Variants in ACADL observed in about 807,000 individuals in gnomAD.
ACADL encodes the protein long-chain specific acyl-CoA dehydrogenase, mitochondrial.
A neutral mutation model predicts 56.9 loss-of-function variants in ACADL; 60 were observed. The ratio of observed to expected loss-of-function variants is 1.05; its 90% CI spans 0.86 to 1.31. ACADL has a LOEUF of 1.31. Ranked by LOEUF, ACADL falls within the 50% of genes most tolerant of loss-of-function variation. The probability of loss-of-function intolerance (pLI) is 0.00; values close to 1 mark genes in which losing one functional copy is unlikely to be tolerated. For missense variants in ACADL, 484 were observed against 525.5 expected, an observed-to-expected ratio of 0.92 and a Z score of 0.77; for synonymous variants, 158 against 179.7, an observed-to-expected ratio of 0.88 and a Z score of 0.97.
At chr2:210,194,505 A>G (rs1459755673) in intron 9 of ACADL, among the ~76,000 whole-genome samples, 2 of 152,334 alleles carry the variant, frequency 1.3e-5, no homozygotes, top group Admixed American at 6.5e-5. Flanking sequence ...AAAATATACA[A>G]AAGTCTGACA....
intron 8 of ACADL, among the ~76,000 whole-genome samples, chr2:210,199,213 C>T (rs77775437): frequency 0.017 from 2,595 of 152,080 alleles, 80 homozygotes; most frequent in African/African-American, 0.06. Context: ...ATACTCCTAG[C>T]TTGAAATATG....
intron 2 of ACADL, 81 bp from the exon 3 acceptor site, chr2:210,218,183 T>C: frequency 7.3e-7 from 1 of 1,364,032 alleles, no homozygotes; most frequent in East Asian, 2.5e-5. Context: ...ATGAATGATT[T>C]TGTGTAGAAA....
At chr2:210,195,540 T>C (rs1688696426) in intron 8 of ACADL, among the ~76,000 whole-genome samples, 1 of 152,166 alleles carries the variant, frequency 6.6e-6, no homozygotes, top group South Asian at 2.1e-4. Context: ...GCTAAGGAAA[T>C]TTGTACTAAA....
At chr2:210,212,288 G>C (rs1425954953) in intron 4 of ACADL, among the ~76,000 whole-genome samples, 1 of 152,140 alleles carries the variant, frequency 6.6e-6, no homozygotes, top group Non-Finnish European at 1.5e-5. Context: ...AGACTATCAT[G>C]AATTATCTGG....
intron 1 of ACADL, 101 bp downstream of exon 1, chr2:210,225,084 CCG>C: frequency 6.6e-7 from 1 of 1,513,546 alleles, no homozygotes; most frequent in South Asian, 1.2e-5. Flanking sequence ...GCACTCCCAG[CCG>C]CGCGCGCACC....
chr2:210,222,922 T>C (rs1475869316), intron 1 of ACADL, among the ~76,000 whole-genome samples: 1 of 152,204 alleles, frequency 6.6e-6, no homozygotes, highest in African/African-American at 2.4e-5. Flanking sequence ...TTTGTCCATA[T>C]AGATTTTCCA....
chr2:210,212,262 G>T (rs1183650793), intron 4 of ACADL, among the ~76,000 whole-genome samples: 1 of 152,076 alleles, frequency 6.6e-6, no homozygotes, highest in African/African-American at 2.4e-5. Flanking sequence ...ATTAATTTAA[G>T]GATGTTGTGA....
At position 210,224,703 on chromosome 2, in the gene ACADL, G is replaced by A. The variant is rs962916567; in HGVS notation, c.77+484C>T. The A allele has an allele frequency of 9.1e-6, 9 of 986,712 alleles. No homozygotes were observed. In the African/African-American group the frequency reaches 1.4e-4, roughly 15 times the overall value. 61.1% of individuals were successfully genotyped at this position (986,712 alleles called of 1,614,324 possible). A position where few individuals can be genotyped will look rare whatever the true frequency, so the allele number is the denominator to read the frequency against. ...ACAATTCTGGTCCGCGCCGCAGCCC[G>A]GGCACTGAGTCCGGGTCCCAAGTTC... On this transcript the variant is annotated intron_variant, in intron 1 of 10. Transcript: ENST00000233710.
intron 8 of ACADL, among the ~76,000 whole-genome samples, chr2:210,195,678 G>A (rs1688699649): frequency 6.6e-6 from 1 of 152,104 alleles, no homozygotes; most frequent in South Asian, 2.1e-4. Flanking sequence ...AGTTATTTAG[G>A]TACAGCCGTT....
Position 210,191,103 on chromosome 2 carries a change from G to A in ACADL, c.1199+1701C>T, listed in dbSNP as rs561772147. On this transcript the variant is annotated intron_variant, in intron 10 of 10. Transcript: ENST00000233710. ...TTTTTTTGTATTTTTAGTAGAAATG[G>A]TGTTTCGCCATTTTGCCCAGGCTGG... Among the ~76,000 whole-genome samples, 11 of 152,032 alleles carry A rather than the reference G, an allele frequency of 7.2e-5. No individual in the cohort carries two copies. In the South Asian group the frequency reaches 2.3e-3, roughly 32 times the overall value.
In ACADL at chr2:210,195,245, A is replaced by G. The variant is rs746054613; in HGVS notation, c.1078T>C (p.Leu360=). 36 of 1,613,756 alleles carry G rather than the reference A, an allele frequency of 2.2e-5. No individual in the cohort carries two copies. In the South Asian group the frequency reaches 3.6e-4, roughly 16 times the overall value. Residue 360 remains leucine, a synonymous_variant, in exon 9 of 11, where the codon TTG becomes CTG. Coordinates refer to ENST00000233710, the MANE Select transcript of ACADL (RefSeq NM_001608.4). ...GCCATGCAAGCAGTGGCGGAGTCCA[A>G]ACGTTTCGCTTCATGCAGCTGGAGA... ...NCLQLHEAKR[L]DSATACMAKY...
At position 210,206,212 on chromosome 2, in the gene ACADL, A is replaced by G. The variant is rs997507799; in HGVS notation, c.604-416T>C. ...CAGCACTTTGGGAGGCCGAGGCAAG[A>G]GGATCATTTGAGCTCAGGAGTTCAA... On this transcript the variant is annotated intron_variant, in intron 5 of 10. Transcript: ENST00000233710. Among the ~76,000 whole-genome samples, 15 of 152,176 alleles carry G rather than the reference A, an allele frequency of 9.9e-5. 1 individual carries two copies. In the East Asian group the frequency reaches 1.9e-3, roughly 20 times the overall value.
At chr2:210,209,087 C>T (rs553314223) in intron 5 of ACADL, among the ~76,000 whole-genome samples, 25 of 152,216 alleles carry the variant, frequency 1.6e-4, no homozygotes, top group Admixed American at 1.5e-3. Flanking sequence ...AGCTATCATC[C>T]GTTTAATTAT....
chr2:210,188,902 T>C lies in ACADL; in HGVS notation c.*59A>G. 8.2e-7 allele frequency: 1 copy of C among 1,222,254 alleles called. No homozygotes were observed. The highest frequency in any genetic ancestry group is 2.3e-5 in the East Asian group (1 of 42,770). 75.7% of individuals were successfully genotyped at this position (1,222,254 alleles called of 1,614,324 possible). On this transcript the variant is annotated 3_prime_UTR_variant, in exon 11 of 11. Coordinates refer to ENST00000233710, the MANE Select transcript of ACADL (RefSeq NM_001608.4). ...TCCTCGCTTTCCAAGTTACATTTTATCTTGAGCAGATTTAAAACGAGATTA... is the reference window on the plus strand; with the variant it reads ...TCCTCGCTTTCCAAGTTACATTTTACCTTGAGCAGATTTAAAACGAGATTA...
chr2:210,211,494 T>G (rs1688978278), intron 4 of ACADL, among the ~76,000 whole-genome samples: 2 of 152,324 alleles, frequency 1.3e-5, no homozygotes, highest in Non-Finnish European at 2.9e-5. Context: ...CCTGGTGGGC[T>G]GATTGGATCA....
Position 210,194,167 on chromosome 2 carries a change from T to A in ACADL, c.1112+1044A>T, listed in dbSNP as rs58068434. The stretch of plus-strand genomic sequence containing the variant: ...CCAAACTTCTCTTTTTCCAAAAATA[T>A]GTAAATTTTTTTTACACTTTTTGCC... On this transcript the variant is annotated intron_variant, in intron 9 of 10. Transcript: ENST00000233710. 4.5e-3 allele frequency among the ~76,000 whole-genome samples: 688 copies of A among 152,280 alleles called. 6 individuals are homozygous for A. The highest frequency in any genetic ancestry group is 0.016 in the African/African-American group (668 of 41,580).
intron 9 of ACADL, among the ~76,000 whole-genome samples, chr2:210,194,452 T>A (rs913798325): frequency 4.6e-5 from 7 of 152,184 alleles, no homozygotes; most frequent in African/African-American, 1.7e-4. Context: ...GGAAACCAAA[T>A]CTACTTCCAG....
At chr2:210,210,632 C>G (rs542588547) in intron 4 of ACADL, among the ~76,000 whole-genome samples, 79 of 152,182 alleles carry the variant, frequency 5.2e-4, no homozygotes, top group African/African-American at 1.8e-3. Flanking sequence ...GGTTCCTTCC[C>G]CTGTCTCTAT....
rs1689087947 is a variant in ACADL at position 210,216,446 on chromosome 2, G to A, written c.437C>T (p.Thr146Ile). The A allele has an allele frequency of 6.2e-7, 1 of 1,611,448 alleles. No homozygotes were observed. Among genetic ancestry groups the A allele is most frequent in the Non-Finnish European group, 8.5e-7 (1 of 1,178,500 alleles). Residue 146 changes from threonine (T) to isoleucine (I), a missense_variant, in exon 4 of 11, where the codon ACA (threonine) becomes ATA (isoleucine). Thr to Ile is a moderately conservative substitution (Grantham distance 89, BLOSUM62 -1). Transcript: ENST00000233710. The part of the protein sequence containing the change: ...IHSGIVMSYI[T>I]NHGSEEQIKH... Reference sequence around the variant, plus strand: ...AATCTGTTCTTCTGAGCCATGGTTTGTAATATAGGACATGACAATACCTGA... The same window carrying A: ...AATCTGTTCTTCTGAGCCATGGTTTATAATATAGGACATGACAATACCTGA...
Sources: gnomAD v4.1 joint callset for allele counts (sites outside exome capture counted in the v4.1 genomes callset) on GRCh38, gnomAD v4.1.1 for gene constraint, MANE v1.5 for transcripts, NCBI Gene and HGNC (gene_info 2026-07-23, HGNC 2026-07-21) for gene names.